DGKZ: variants seen among roughly 807,000 people sequenced by gnomAD.
DGKZ encodes the protein DAG kinase zeta.
In DGKZ, 45 loss-of-function variants were observed where a neutral mutation model predicts 142.5. The observed-to-expected ratio is 0.32, with a 90% confidence interval of 0.25 to 0.40. The LOEUF is 0.40. Among genes scored for constraint, DGKZ ranks in the 10% least tolerant of loss-of-function variants. DGKZ has a pLI of 1.00. For synonymous variants in DGKZ, 442 were observed against 527.0 expected (o/e 0.84, Z 2.21); for missense variants, 755 against 1,306.5 (o/e 0.58, Z 6.51).
Position 46,372,555 on chromosome 11 carries a change from G to A in DGKZ, c.1010+45G>A, listed in dbSNP as rs764222716. ...TTGTGGGGGACATGGGGGGGAACTT[G>A]CCTCACTCCTGGGGTACAGCACACA... On this transcript the variant is annotated intron_variant, in intron 11 of 30. Transcript: ENST00000527911. The surrounding 1 kb of genome is among the most constrained non-coding windows in gnomAD (Gnocchi z 5.9). The A allele has an allele frequency of 2.4e-5, 39 of 1,613,754 alleles. No homozygotes were observed. The highest frequency in any genetic ancestry group is 1.8e-4 in the Admixed American group (11 of 60,000).
intron 1 of DGKZ, among the ~76,000 whole-genome samples, chr11:46,335,028 T>C (rs1279405801): frequency 6.6e-6 from 1 of 152,104 alleles, no homozygotes; most frequent in Admixed American, 6.5e-5. Flanking sequence ...AAATCACAAA[T>C]GGAGGCTGGG....
chr11:46,340,044 C>T (rs772941511), intron 1 of DGKZ, among the ~76,000 whole-genome samples: 3 of 152,170 alleles, frequency 2.0e-5, no homozygotes, highest in Non-Finnish European at 4.4e-5. Flanking sequence ...GCCACTGGGC[C>T]GCAGCTTACA....
exon 1 of DGKZ, chr11:46,333,210 T>C: frequency 8.2e-7 from 1 of 1,217,304 alleles, no homozygotes; most frequent in Non-Finnish European, 1.0e-6. Context: ...CCGGGCGGAC[T>C]GGAGACTCGA....
chr11:46,356,236 G>A (rs1942013569), intron 1 of DGKZ, among the ~76,000 whole-genome samples: 1 of 152,170 alleles, frequency 6.6e-6, no homozygotes, highest in East Asian at 1.9e-4. Context: ...TCCCATCAGG[G>A]ATCGGTTTCA....
intron 1 of DGKZ, among the ~76,000 whole-genome samples, chr11:46,339,668 G>C (rs1940181929): frequency 1.3e-5 from 2 of 152,238 alleles, no homozygotes; most frequent in Non-Finnish European, 2.9e-5. Context: ...CAGCCACTTG[G>C]GCATTTTGGA....
At chr11:46,342,146 T>C (rs766509539) in intron 1 of DGKZ, among the ~76,000 whole-genome samples, 1 of 152,170 alleles carries the variant, frequency 6.6e-6, no homozygotes, top group Non-Finnish European at 1.5e-5. Context: ...AGATTCTTCT[T>C]CCTGTGTGTA....
Position 46,370,118 on chromosome 11 carries a change from C to T in DGKZ, c.570+109C>T, listed in dbSNP as rs182175779. 7,785 of 1,363,032 alleles carry T rather than the reference C, an allele frequency of 5.7e-3. 53 individuals carry two copies. Among genetic ancestry groups the T allele is most frequent in the Non-Finnish European group, 5.9e-3 (5,665 of 960,402 alleles). The allele number at this position is 1,363,032 out of a possible 1,614,324, so 84.4% of individuals were successfully genotyped here. A position where few individuals can be genotyped will look rare whatever the true frequency, so the allele number is the denominator to read the frequency against. Reference sequence around the variant, plus strand: ...CTGACCACACCCTGGTGTGCAGAGTCCGGGGCTGACCCTCAGCCTGGCTGC... The same window carrying T: ...CTGACCACACCCTGGTGTGCAGAGTTCGGGGCTGACCCTCAGCCTGGCTGC... On this transcript the variant is annotated intron_variant, in intron 6 of 30. Transcript: ENST00000527911.
At chr11:46,333,699 C>T (rs1309193004) in intron 1 of DGKZ, among the ~76,000 whole-genome samples, 1 of 152,156 alleles carries the variant, frequency 6.6e-6, no homozygotes, top group Non-Finnish European at 1.5e-5. Flanking sequence ...CGTATTCATC[C>T]AATATGCAGT....
In DGKZ at chr11:46,347,669, CG is replaced by C; in HGVS notation, c.13del (p.Asp5ThrfsTer114). Reference sequence around the variant, plus strand: ...CCGGGGCTAGGGCCGGATGGAGCCGCGGGACGGTAGCCCCGAGGCCCGGAGC... The same window carrying C: ...CCGGGGCTAGGGCCGGATGGAGCCGCGGACGGTAGCCCCGAGGCCCGGAGC... On this transcript the variant is annotated frameshift_variant, in exon 1 of 31. Transcript: ENST00000527911. LOFTEE classifies it high-confidence loss of function. The surrounding 1 kb of genome is among the most constrained non-coding windows in gnomAD (Gnocchi z 6.4). 1 of 1,430,766 alleles carries C rather than the reference CG, an allele frequency of 7.0e-7. No homozygotes were observed. Among genetic ancestry groups the C allele is most frequent in the Non-Finnish European group, 9.1e-7 (1 of 1,094,628 alleles). The allele number at this position is 1,430,766 out of a possible 1,614,324, so 88.6% of individuals were successfully genotyped here. A position where few individuals can be genotyped will look rare whatever the true frequency, so the allele number is the denominator to read the frequency against.
intron 14 of DGKZ, 145 bp from the exon 15 acceptor site, chr11:46,374,012 T>G: frequency 3.7e-6 from 3 of 800,410 alleles, no homozygotes; most frequent in Non-Finnish European, 6.0e-6. Flanking sequence ...TGACAGCGGG[T>G]GAGCTGGGCT....
In DGKZ at chr11:46,379,191, C is replaced by T; in HGVS notation, c.2540-12C>T. The T allele has an allele frequency of 1.9e-6, 3 of 1,612,994 alleles. No individual in the cohort carries two copies. Among genetic ancestry groups the T allele is most frequent in the Non-Finnish European group, 2.5e-6 (3 of 1,179,960 alleles). ...TGCCAGGCCTCTCTGACCACCACCT[C>T]CCCTTCTCCAGCCCCCCCAGAGATC... On this transcript the variant is annotated splice_polypyrimidine_tract_variant and intron_variant, in intron 28 of 30. Coordinates refer to ENST00000527911, the Ensembl canonical transcript of DGKZ.
intron 1 of DGKZ, chr11:46,366,375 G>T: frequency 6.6e-7 from 1 of 1,522,666 alleles, no homozygotes. Context: ...TCCCCCGCTG[G>T]GCAGGCCTCC....
intron 1 of DGKZ, among the ~76,000 whole-genome samples, chr11:46,353,932 C>G (rs1217636220): frequency 6.6e-6 from 1 of 152,248 alleles, no homozygotes; most frequent in East Asian, 1.9e-4. Context: ...GCTTGCCTGT[C>G]TCTCCGCCCC....
chr11:46,379,884 C>T, exon 31 of DGKZ: 1 of 1,610,404 alleles, frequency 6.2e-7, no homozygotes, highest in Middle Eastern at 1.8e-4. Flanking sequence ...AGCTGGCCGC[C>T]TACCTGGAGA....
chr11:46,372,022 G>A lies in DGKZ; in HGVS notation c.832-53G>A, dbSNP rs1944000458. The stretch of plus-strand genomic sequence containing the variant: ...ACCCAGGGGGCCTGCTAAGGATGAT[G>A]GTAGGGTGTCCTGGACGGGAAGGAG... On this transcript the variant is annotated intron_variant, in intron 9 of 30. Transcript: ENST00000527911. The surrounding 1 kb of genome is among the most constrained non-coding windows in gnomAD (Gnocchi z 5.9). 4 of 1,518,448 alleles carry A rather than the reference G, an allele frequency of 2.6e-6. No individual in the cohort carries two copies. The South Asian group carries it at 3.6e-5, about 13-fold the overall frequency. The allele number at this position is 1,518,448 out of a possible 1,614,324, so 94.1% of individuals were successfully genotyped here.
chr11:46,345,730 T>C (rs904340072), upstream of DGKZ: 2 of 835,890 alleles, frequency 2.4e-6, no homozygotes, highest in South Asian at 4.4e-5. This position sits in a 1 kb window ranked among gnomAD's most constrained non-coding sequence, Gnocchi z 4.1. Context: ...AAGGAGTTAT[T>C]GGCAGGGTGC....
intron 1 of DGKZ, among the ~76,000 whole-genome samples, chr11:46,350,723 C>T (rs1007391267): frequency 6.6e-6 from 1 of 152,176 alleles, no homozygotes; most frequent in African/African-American, 2.4e-5. Flanking sequence ...GCCATCCTGG[C>T]CCCTCTGGGT....
At chr11:46,377,900 A>C in intron 25 of DGKZ, 2 of 482,512 alleles carry the variant, frequency 4.1e-6, no homozygotes, top group Non-Finnish European at 3.7e-6. Flanking sequence ...CACTCCCAGG[A>C]CCCCCTCTGC....
chr11:46,347,483 C>T lies in DGKZ; in HGVS notation c.-177C>T. 1 of 982,234 alleles carries T rather than the reference C, an allele frequency of 1.0e-6. No homozygotes were observed. Among genetic ancestry groups the T allele is most frequent in the South Asian group, 4.5e-5 (1 of 22,106 alleles). The allele number at this position is 982,234 out of a possible 1,614,324, so 60.8% of individuals were successfully genotyped here. The stretch of plus-strand genomic sequence containing the variant: ...CTGGCGGCACTTCCTGGAGCGGCGG[C>T]GGCAGCGGCTTCCCGGGCACCTGGG... On this transcript the variant is annotated 5_prime_UTR_variant, in exon 1 of 31. Transcript: ENST00000527911. This position sits in a 1 kb window ranked among gnomAD's most constrained non-coding sequence, Gnocchi z 6.4.
Sources: allele counts gnomAD v4.1 joint callset (sites outside exome capture counted in the v4.1 genomes callset), GRCh38; gene constraint gnomAD v4.1.1; non-coding constraint Gnocchi (gnomAD v3.1); transcripts MANE v1.5; gene names NCBI Gene and HGNC (gene_info 2026-07-23, HGNC 2026-07-21).